The following CSMD1 variants were observed in gnomAD, a reference collection of about 807,000 sequenced individuals.
The protein encoded by CSMD1 is CUB and sushi domain-containing protein 1.
In CSMD1, 213 loss-of-function variants were observed where a neutral mutation model predicts 417.5. That is an observed-to-expected ratio of 0.51 (90% confidence interval 0.46 to 0.57). The LOEUF (loss-of-function observed/expected upper bound fraction) is 0.57. Ranked by LOEUF, CSMD1 falls within the 20% of genes least tolerant of loss-of-function variation. The probability of loss-of-function intolerance (pLI) is 0.00; values close to 1 mark genes in which losing one functional copy is unlikely to be tolerated. For synonymous variants in CSMD1, 2,862 were observed against 1,736.8 expected (o/e 1.65, Z -16.11); for missense variants, 6,923 against 4,529.7 (o/e 1.53, Z -15.17).
intron 5 of CSMD1, among the ~76,000 whole-genome samples, chr8:3,816,042 C>A (rs927084907): frequency 2.6e-5 from 4 of 152,158 alleles, no homozygotes; most frequent in Admixed American, 2.6e-4. Flanking sequence ...ATTAGGTCCC[C>A]GTGGGTTGGT....
At chr8:2,966,440 CAT>C (rs1803965907) in intron 58 of CSMD1, 128 bp downstream of exon 58, 5 of 811,920 alleles carry the variant, frequency 6.2e-6, no homozygotes, top group South Asian at 2.3e-5. Flanking sequence ...CAATGTCACA[CAT>C]AGTTTTCCCT....
At chr8:3,598,576 A>C (rs931200) in intron 8 of CSMD1, among the ~76,000 whole-genome samples, 149,291 of 152,214 alleles carry the variant, frequency 0.98, 73,236 homozygotes, top group East Asian at 1. Context: ...ACAGAGGAGG[A>C]CTTTTCTGTT....
At chr8:3,376,750 A>C (rs190383144) in intron 18 of CSMD1, among the ~76,000 whole-genome samples, 166 of 152,046 alleles carry the variant, frequency 1.1e-3, no homozygotes, top group Non-Finnish European at 1.8e-3. Context: ...CAGCACAGAC[A>C]CTGAGTTTAT....
chr8:3,413,058 G>C (rs761371779), intron 12 of CSMD1, among the ~76,000 whole-genome samples: 4 of 152,132 alleles, frequency 2.6e-5, no homozygotes, highest in Non-Finnish European at 4.4e-5. Context: ...TCAAGCCTCA[G>C]TTTTCACATT....
intron 2 of CSMD1, among the ~76,000 whole-genome samples, chr8:4,489,864 A>G (rs564489123): frequency 3.9e-5 from 6 of 152,168 alleles, no homozygotes; most frequent in Non-Finnish European, 7.4e-5. Flanking sequence ...CAGGGTGCCC[A>G]GCCATGCCTT....
At chr8:4,024,683 G>A (rs544416128) in intron 4 of CSMD1, among the ~76,000 whole-genome samples, 6 of 152,262 alleles carry the variant, frequency 3.9e-5, no homozygotes, top group East Asian at 3.9e-4. Context: ...CTGCATAAAT[G>A]TGACTTGTGG....
chr8:4,820,348 G>C (rs1369997093), intron 1 of CSMD1, among the ~76,000 whole-genome samples: 1 of 152,154 alleles, frequency 6.6e-6, no homozygotes, highest in Non-Finnish European at 1.5e-5. Flanking sequence ...AAAAAGGTAA[G>C]AATGACTCAT....
At chr8:3,574,569 G>C (rs1800069269) in intron 10 of CSMD1, among the ~76,000 whole-genome samples, 1 of 152,158 alleles carries the variant, frequency 6.6e-6, no homozygotes, top group Non-Finnish European at 1.5e-5. Context: ...TTTTGTGTCT[G>C]AGTATAGTAG....
chr8:3,920,008 G>C (rs1051062348), intron 5 of CSMD1, among the ~76,000 whole-genome samples: 4 of 151,366 alleles, frequency 2.6e-5, no homozygotes, highest in Admixed American at 6.6e-5. Context: ...TTTTACTTTA[G>C]GATTTACCAA....
chr8:3,726,715 G>C (rs931428887), intron 6 of CSMD1, among the ~76,000 whole-genome samples: 3 of 152,052 alleles, frequency 2.0e-5, no homozygotes, highest in Non-Finnish European at 4.4e-5. Flanking sequence ...TTACCTATGG[G>C]CCCTTGAATA....
intron 1 of CSMD1, among the ~76,000 whole-genome samples, chr8:4,790,916 G>A (rs1370798586): frequency 6.6e-6 from 1 of 152,116 alleles, no homozygotes. Context: ...TTGGACCTAG[G>A]CCCTGGCAAA....
chr8:4,007,761 A>G (rs564645444), intron 4 of CSMD1, among the ~76,000 whole-genome samples: 2 of 151,924 alleles, frequency 1.3e-5, no homozygotes, highest in South Asian at 2.1e-4. Context: ...GCCTCTATTC[A>G]TTTGTCTTTA....
At chr8:3,325,956 C>T (rs1309809893) in intron 23 of CSMD1, among the ~76,000 whole-genome samples, 2 of 152,102 alleles carry the variant, frequency 1.3e-5, no homozygotes, top group Non-Finnish European at 2.9e-5. Context: ...ATTGGCAAAA[C>T]TAAACCTTGC....
chr8:3,915,419 A>AC (rs1808750678), intron 5 of CSMD1, among the ~76,000 whole-genome samples: 1 of 150,796 alleles, frequency 6.6e-6, no homozygotes, highest in African/African-American at 2.5e-5. Flanking sequence ...AAAAAAAAAA[A>AC]AAAAAAAAAG....
At chr8:3,636,350 G>T (rs1373895316) in intron 7 of CSMD1, among the ~76,000 whole-genome samples, 1 of 152,080 alleles carries the variant, frequency 6.6e-6, no homozygotes, top group Non-Finnish European at 1.5e-5. Context: ...GCTAATTTTT[G>T]GATTTTTAGT....
chr8:3,548,831 T>C (rs1335674653), intron 10 of CSMD1, among the ~76,000 whole-genome samples: 1 of 152,064 alleles, frequency 6.6e-6, no homozygotes, highest in Admixed American at 6.5e-5. Flanking sequence ...AAGCCACCCT[T>C]GCTAGGAGGG....
intron 25 of CSMD1, among the ~76,000 whole-genome samples, chr8:3,296,522 A>G (rs57263699): frequency 0.039 from 5,919 of 152,224 alleles, 385 homozygotes; most frequent in African/African-American, 0.13. Flanking sequence ...GTCCTCACCA[A>G]CAATTTAAAG....
chr8:4,976,265 G>C (rs184963958), intron 1 of CSMD1, among the ~76,000 whole-genome samples: 1 of 152,130 alleles, frequency 6.6e-6, no homozygotes, highest in Non-Finnish European at 1.5e-5. Flanking sequence ...ATACACCTGC[G>C]TAACAAGTAA....
intron 3 of CSMD1, among the ~76,000 whole-genome samples, chr8:4,113,114 T>C (rs1208678304): frequency 6.6e-6 from 1 of 152,178 alleles, no homozygotes. Context: ...GTGTGTGTTC[T>C]TACTGTTCCA....
Sources: gnomAD v4.1 joint callset for allele counts (sites outside exome capture counted in the v4.1 genomes callset) on GRCh38, gnomAD v4.1.1 for gene constraint, MANE v1.5 for transcripts, NCBI Gene and HGNC (gene_info 2026-07-23, HGNC 2026-07-21) for gene names.